Variants in FBXW7 observed in about 807,000 individuals in gnomAD.
The protein encoded by FBXW7 is F-box/WD repeat-containing protein 7.
Under a neutral mutation model 86.3 loss-of-function variants are expected in FBXW7, and 11 were observed. That is an observed-to-expected ratio of 0.13 (90% confidence interval 0.08 to 0.21). FBXW7 has a LOEUF of 0.21. Ranked by LOEUF, FBXW7 falls within the 10% of genes least tolerant of loss-of-function variation. The pLI, the probability that FBXW7 is intolerant of heterozygous loss-of-function variation, is 1.00. For synonymous variants in FBXW7, 313 were observed against 297.9 expected (o/e 1.05, Z -0.52); for missense variants, 488 against 847.4 (o/e 0.58, Z 5.27).
chr4:152,520,000 G>A (rs948768973), intron 2 of FBXW7, among the ~76,000 whole-genome samples: 4 of 152,116 alleles, frequency 2.6e-5, no homozygotes, highest in Non-Finnish European at 5.9e-5. Context: ...AAAATCCTTA[G>A]GACAGTTCCT....
chr4:152,401,577 T>G (rs961309541), intron 4 of FBXW7, among the ~76,000 whole-genome samples: 5 of 152,192 alleles, frequency 3.3e-5, no homozygotes, highest in African/African-American at 1.2e-4. Context: ...TTTAAGGTAG[T>G]GAAACCATTC....
chr4:152,449,696 C>A (rs1741735241), intron 2 of FBXW7, among the ~76,000 whole-genome samples: 1 of 152,224 alleles, frequency 6.6e-6, no homozygotes, highest in Admixed American at 6.5e-5. Context: ...CACAAACCAC[C>A]CTGAAAACAT....
intron 2 of FBXW7, among the ~76,000 whole-genome samples, chr4:152,522,649 C>A (rs530820250): frequency 6.6e-6 from 1 of 152,246 alleles, no homozygotes; most frequent in African/African-American, 2.4e-5. Context: ...CTCCCCACTC[C>A]CCCAAATGAC....
intron 2 of FBXW7, among the ~76,000 whole-genome samples, chr4:152,444,804 CA>C: frequency 6.6e-6 from 1 of 152,270 alleles, no homozygotes; most frequent in Middle Eastern, 3.4e-3. Context: ...AACCACCATC[CA>C]AAGTGATAGA....
At chr4:152,330,323 GAA>G (rs1300976772) in intron 9 of FBXW7, among the ~76,000 whole-genome samples, 1 of 151,760 alleles carries the variant, frequency 6.6e-6, no homozygotes, top group Non-Finnish European at 1.5e-5. Flanking sequence ...CAGAAAACCA[GAA>G]TTATGCTTCA....
chr4:152,405,063 T>A (rs1269723226), intron 4 of FBXW7, among the ~76,000 whole-genome samples: 2 of 120,524 alleles, frequency 1.7e-5, no homozygotes, highest in Non-Finnish European at 3.2e-5. Flanking sequence ...CTGCACTCCA[T>A]CCAGCCTGGG....
chr4:152,340,504 G>A (rs887542452), intron 6 of FBXW7, among the ~76,000 whole-genome samples: 3 of 150,636 alleles, frequency 2.0e-5, no homozygotes, highest in African/African-American at 4.9e-5. Context: ...GCGTGAACCC[G>A]GGAGGAGCTT....
chr4:152,417,520 G>A (rs1406228127), intron 2 of FBXW7, among the ~76,000 whole-genome samples: 2 of 152,100 alleles, frequency 1.3e-5, no homozygotes, highest in South Asian at 2.1e-4. Flanking sequence ...ATGGCGGCGG[G>A]GAGGAACAGA....
chr4:152,328,461 T>C, intron 10 of FBXW7, 72 bp from the exon 11 acceptor site: 1 of 1,072,272 alleles, frequency 9.3e-7, no homozygotes, highest in Non-Finnish European at 1.3e-6. Context: ...TAATAGCTCA[T>C]TAAAATTTGG....
intron 2 of FBXW7, among the ~76,000 whole-genome samples, chr4:152,445,910 TAAAAAAAA>T (rs11457603): frequency 2.3e-4 from 23 of 100,678 alleles, no homozygotes; most frequent in African/African-American, 3.9e-4. Flanking sequence ...ACTCTGTCTT[TAAAAAAAA>T]AAAAAAAAAA....
intron 4 of FBXW7, among the ~76,000 whole-genome samples, chr4:152,393,982 T>C (rs111475654): frequency 2.6e-4 from 39 of 152,118 alleles, no homozygotes; most frequent in Non-Finnish European, 5.0e-4. Flanking sequence ...AATTAGAGGT[T>C]AAAGTTTATA....
chr4:152,402,375 C>G (rs1281163509), intron 4 of FBXW7, among the ~76,000 whole-genome samples: 1 of 152,030 alleles, frequency 6.6e-6, no homozygotes, highest in Non-Finnish European at 1.5e-5. Flanking sequence ...GGGAGAAAAA[C>G]AAACTTAATA....
intron 2 of FBXW7, among the ~76,000 whole-genome samples, chr4:152,460,234 A>C (rs1742819266): frequency 6.6e-6 from 1 of 152,242 alleles, no homozygotes; most frequent in Non-Finnish European, 1.5e-5. Flanking sequence ...ATAAGTTAGA[A>C]GACTATTAAC....
At chr4:152,463,896 A>T (rs1743183344) in intron 2 of FBXW7, among the ~76,000 whole-genome samples, 1 of 152,258 alleles carries the variant, frequency 6.6e-6, no homozygotes, top group Non-Finnish European at 1.5e-5. Context: ...CAAAGAAAAC[A>T]AACATTTAGC....
intron 4 of FBXW7, among the ~76,000 whole-genome samples, chr4:152,378,091 A>C (rs1249132273): frequency 2.6e-5 from 4 of 152,170 alleles, no homozygotes; most frequent in Non-Finnish European, 5.9e-5. Context: ...AGTGCAACAG[A>C]GGCCAACTAC....
chr4:152,360,856 A>C (rs1210805146), intron 4 of FBXW7, among the ~76,000 whole-genome samples: 1 of 147,946 alleles, frequency 6.8e-6, no homozygotes, highest in African/African-American at 2.4e-5. Context: ...TATATATAAA[A>C]TATAGTAAAA....
chr4:152,488,898 C>T (rs552011094), intron 2 of FBXW7, among the ~76,000 whole-genome samples: 1 of 152,020 alleles, frequency 6.6e-6, no homozygotes. Flanking sequence ...GATTAATACA[C>T]AATTCCTGCC....
At chr4:152,474,533 T>C (rs1298878368) in intron 2 of FBXW7, among the ~76,000 whole-genome samples, 3 of 152,182 alleles carry the variant, frequency 2.0e-5, no homozygotes, top group African/African-American at 4.8e-5. Flanking sequence ...AATTCTCAAA[T>C]TACCCATCAC....
intron 2 of FBXW7, among the ~76,000 whole-genome samples, chr4:152,486,998 T>C (rs1394914467): frequency 1.3e-5 from 2 of 152,264 alleles, no homozygotes; most frequent in African/African-American, 4.8e-5. Context: ...ATGTCGTATA[T>C]GCAGTGCATG....
Sources: gnomAD v4.1 joint callset for allele counts (sites outside exome capture counted in the v4.1 genomes callset) on GRCh38, gnomAD v4.1.1 for gene constraint, MANE v1.5 for transcripts, NCBI Gene and HGNC (gene_info 2026-07-23, HGNC 2026-07-21) for gene names.